DPF3: variants seen among roughly 807,000 people sequenced by gnomAD.
DPF3 encodes zinc finger protein DPF3.
DPF3 carries 18 observed loss-of-function variants against 56.8 expected under a neutral mutation model. That is an observed-to-expected ratio of 0.32 (90% CI 0.22 to 0.47). The LOEUF (loss-of-function observed/expected upper bound fraction) is 0.47. DPF3 is among the 20% of genes least tolerant of loss of function. The pLI, the probability that DPF3 is intolerant of heterozygous loss-of-function variation, is 1.00. For synonymous variants in DPF3, 188 were observed against 180.2 expected (o/e 1.04, Z -0.35); for missense variants, 403 against 488.8 (o/e 0.82, Z 1.65).
intron 8 of DPF3, chr14:72,670,980 G>T: frequency 1.6e-6 from 1 of 608,470 alleles, no homozygotes; most frequent in Non-Finnish European, 2.7e-6. Context: ...GGTGGGGGGA[G>T]GGATGGAGGG....
At position 72,781,624 on chromosome 14, in the gene DPF3, A is replaced by T. The variant is rs1008717740; in HGVS notation, c.33-9731T>A. Among the ~76,000 whole-genome samples, 8 of 151,034 alleles carry T rather than the reference A, an allele frequency of 5.3e-5. No individual in the cohort carries two copies. The East Asian group carries it at 1.2e-3, about 22-fold the overall frequency. On this transcript the variant is annotated intron_variant, in intron 1 of 10. Transcript: ENST00000556509. ...CACTGGGTGTTCTGATGACATACAC[A>T]TCTCGAGGTTGAAGTCAAGGAGCTG... is the stretch of plus-strand genomic sequence containing the variant.
intron 2 of DPF3, 144 bp downstream of exon 2, chr14:72,771,589 C>T (rs1599427389): frequency 1.2e-6 from 1 of 802,088 alleles, no homozygotes; most frequent in East Asian, 5.2e-5. Context: ...AGCTGAGCTT[C>T]TTTAAGGTAT....
intron 8 of DPF3, chr14:72,661,263 G>T: frequency 1.0e-6 from 1 of 985,318 alleles, no homozygotes; most frequent in South Asian, 4.7e-5. Flanking sequence ...AGACACTCTC[G>T]GTGATCCCCT....
chr14:72,803,937 G>A (rs1431116878), intron 1 of DPF3, among the ~76,000 whole-genome samples: 1 of 152,162 alleles, frequency 6.6e-6, no homozygotes, highest in Non-Finnish European at 1.5e-5. Flanking sequence ...TCATACACAG[G>A]CAAATAACTT....
intron 1 of DPF3, among the ~76,000 whole-genome samples, chr14:72,819,011 G>C (rs1287079623): frequency 6.6e-6 from 1 of 152,120 alleles, no homozygotes; most frequent in Admixed American, 6.5e-5. Context: ...AAGAACTCTA[G>C]CAATTTAGTA....
intron 1 of DPF3, among the ~76,000 whole-genome samples, chr14:72,821,038 G>A (rs1384863243): frequency 2.0e-5 from 3 of 151,528 alleles, no homozygotes; most frequent in Non-Finnish European, 2.9e-5. Flanking sequence ...GGAGGCTGAG[G>A]CATGAAAATC....
chr14:72,735,219 A>C (rs1889840532), intron 3 of DPF3, among the ~76,000 whole-genome samples: 1 of 152,192 alleles, frequency 6.6e-6, no homozygotes, highest in Admixed American at 6.5e-5. Context: ...TTTCAGGATA[A>C]AAGGCAGATC....
At chr14:72,829,321 A>G (rs1264264326) in intron 1 of DPF3, among the ~76,000 whole-genome samples, 1 of 152,244 alleles carries the variant, frequency 6.6e-6, no homozygotes, top group Non-Finnish European at 1.5e-5. Context: ...AGGAGCCCCA[A>G]GAACCCATCA....
intron 1 of DPF3, among the ~76,000 whole-genome samples, chr14:72,841,920 C>T (rs1284944208): frequency 6.6e-6 from 1 of 151,960 alleles, no homozygotes; most frequent in East Asian, 1.9e-4. Flanking sequence ...CCTCTCTCTA[C>T]AAAAGAAATT....
chr14:72,625,094 G>T lies in DPF3; in HGVS notation c.984+4530C>A, dbSNP rs141837531. 6.8e-3 allele frequency among the ~76,000 whole-genome samples: 1,034 copies of T among 152,166 alleles called. 13 individuals are homozygous for T. Among genetic ancestry groups the T allele is most frequent in the African/African-American group, 0.024 (984 of 41,516 alleles). On this transcript the variant is annotated intron_variant, in intron 9 of 10. Transcript: ENST00000556509. ...TCAACAAGAGAAATAGGATATTTGA[G>T]ATTATGTAAATATCCTACTTCTCAT... is the stretch of plus-strand genomic sequence containing the variant.
intron 1 of DPF3, among the ~76,000 whole-genome samples, chr14:72,838,907 TC>T (rs201734856): frequency 0.017 from 655 of 38,286 alleles, 125 homozygotes; most frequent in East Asian, 0.081. Flanking sequence ...TCATATATAT[TC>T]TTTTTTTTTT....
chr14:72,626,728 A>C (rs1309190351), intron 9 of DPF3, among the ~76,000 whole-genome samples: 4 of 152,110 alleles, frequency 2.6e-5, no homozygotes, highest in African/African-American at 9.6e-5. Context: ...AGTTAAGTGC[A>C]TATTAGCTCT....
In DPF3 at chr14:72,613,596, G is replaced by A. The variant is rs1374537326; in HGVS notation, c.*5701C>T. On this transcript the variant is annotated 3_prime_UTR_variant, in exon 11 of 11. Transcript: ENST00000556509. ...ACAGAAGCTGGAACAAAGGGCCCTG[G>A]GGAGTCACCTCAGGACCCCCTCACA... 6.6e-6 allele frequency among the ~76,000 whole-genome samples: 1 copy of A among 152,170 alleles called. No homozygotes were observed. Among genetic ancestry groups the A allele is most frequent in the Admixed American group, 6.5e-5 (1 of 15,280 alleles).
chr14:72,773,594 A>G (rs1891632542), intron 1 of DPF3, among the ~76,000 whole-genome samples: 1 of 152,316 alleles, frequency 6.6e-6, no homozygotes, highest in African/African-American at 2.4e-5. Flanking sequence ...AAACTGAAAC[A>G]CTATACCCAT....
At chr14:72,799,181 T>C (rs1209853479) in intron 1 of DPF3, among the ~76,000 whole-genome samples, 1 of 152,138 alleles carries the variant, frequency 6.6e-6, no homozygotes, top group Admixed American at 6.5e-5. Flanking sequence ...AATACCTCCA[T>C]CCTTCCATCA....
intron 6 of DPF3, among the ~76,000 whole-genome samples, chr14:72,706,977 T>TC (rs1346939704): frequency 6.6e-6 from 1 of 151,574 alleles, no homozygotes; most frequent in Non-Finnish European, 1.5e-5. Context: ...CCCTACCCCC[T>TC]CCCCCAACCC....
chr14:72,616,855 C>T lies in DPF3; in HGVS notation c.*2442G>A, dbSNP rs554700271. ...GAGGTGATAAATGTGACCACGGAGA[C>T]TTTTGTCTGCTTGTAGTACCCTGAC... On this transcript the variant is annotated 3_prime_UTR_variant, in exon 11 of 11. Transcript: ENST00000556509. 2.0e-5 allele frequency among the ~76,000 whole-genome samples: 3 copies of T among 152,340 alleles called. No individual in the cohort carries two copies. Among genetic ancestry groups the T allele is most frequent in the Admixed American group, 1.3e-4 (2 of 15,310 alleles).
chr14:72,630,570 C>A (rs1567183032), intron 8 of DPF3, among the ~76,000 whole-genome samples: 1 of 152,134 alleles, frequency 6.6e-6, no homozygotes, highest in Non-Finnish European at 1.5e-5. Flanking sequence ...ACCTAGGTCA[C>A]CTAAAAGAGA....
intron 5 of DPF3, among the ~76,000 whole-genome samples, chr14:72,718,331 C>T (rs1327545832): frequency 6.6e-6 from 1 of 152,186 alleles, no homozygotes; most frequent in African/African-American, 2.4e-5. Flanking sequence ...AAGCAGAGAG[C>T]TAGATCTTCT....
Sources: gnomAD v4.1 joint callset for allele counts (sites outside exome capture counted in the v4.1 genomes callset) on GRCh38, gnomAD v4.1.1 for gene constraint, MANE v1.5 for transcripts, NCBI Gene and HGNC (gene_info 2026-07-23, HGNC 2026-07-21) for gene names.